The following LOC400499 variants were observed in gnomAD, a reference collection of about 807,000 sequenced individuals.
the LOC400499 span, among the ~76,000 whole-genome samples, chr16:11,455,683 C>T: frequency 4.7e-5 from 7 of 147,520 alleles, no homozygotes; most frequent in South Asian, 6.4e-4. Context: ...TGCAGTGAGC[C>T]GAGATCGTGC....
At chr16:11,451,537 G>A in the LOC400499 span, among the ~76,000 whole-genome samples, 113 of 149,502 alleles carry the variant, frequency 7.6e-4, 1 homozygote, top group African/African-American at 2.8e-3. Flanking sequence ...GGCAACAGAG[G>A]GAGACCCTGT....
the LOC400499 span, chr16:11,485,023 G>A: frequency 2.2e-4 from 88 of 398,990 alleles, no homozygotes; most frequent in African/African-American, 1.6e-3. Flanking sequence ...ATGACTTCCT[G>A]CCAAACAGCC....
chr16:11,379,100 C>G, the LOC400499 span, among the ~76,000 whole-genome samples: 1 of 152,136 alleles, frequency 6.6e-6, no homozygotes, highest in African/African-American at 2.4e-5. Context: ...CCTGTCTCTA[C>G]TGAAAATAGC....
At chr16:11,485,436 G>C in the LOC400499 span, among the ~76,000 whole-genome samples, 4 of 152,234 alleles carry the variant, frequency 2.6e-5, no homozygotes, top group African/African-American at 9.6e-5. Context: ...TCCAGGATGA[G>C]GGCAAGGGCT....
the LOC400499 span, among the ~76,000 whole-genome samples, chr16:11,421,488 G>A: frequency 2.6e-5 from 4 of 151,986 alleles, no homozygotes; most frequent in South Asian, 8.3e-4. Context: ...TGCAACCTCC[G>A]CCTCCTGGGT....
the LOC400499 span, among the ~76,000 whole-genome samples, chr16:11,468,689 A>G: frequency 0.3 from 45,873 of 152,050 alleles, 7,210 homozygotes; most frequent in Admixed American, 0.43. Flanking sequence ...ATGCAGTGGC[A>G]TGATCTCAGC....
At chr16:11,386,684 G>A in the LOC400499 span, among the ~76,000 whole-genome samples, 1 of 152,220 alleles carries the variant, frequency 6.6e-6, no homozygotes, top group Admixed American at 6.5e-5. Context: ...TGGCCACACA[G>A]CATTTCATGG....
chr16:11,397,258 G>A, the LOC400499 span, among the ~76,000 whole-genome samples: 2 of 152,126 alleles, frequency 1.3e-5, no homozygotes, highest in Non-Finnish European at 2.9e-5. Flanking sequence ...GCCGAATCTG[G>A]CTCACTGCCC....
the LOC400499 span, among the ~76,000 whole-genome samples, chr16:11,507,345 A>G: frequency 6.7e-6 from 1 of 149,850 alleles, no homozygotes; most frequent in East Asian, 1.9e-4. Flanking sequence ...AACATCCCAC[A>G]TTGCACGTGA....
the LOC400499 span, among the ~76,000 whole-genome samples, chr16:11,394,079 C>A: frequency 6.6e-6 from 1 of 152,208 alleles, no homozygotes; most frequent in African/African-American, 2.4e-5. Context: ...GTTGGGGGCC[C>A]CGGGCCCTGG....
chr16:11,387,679 G>C, the LOC400499 span, among the ~76,000 whole-genome samples: 5 of 152,090 alleles, frequency 3.3e-5, no homozygotes, highest in Admixed American at 3.3e-4. Context: ...CCAGGCTGGA[G>C]TGTAGTGGCA....
the LOC400499 span, among the ~76,000 whole-genome samples, chr16:11,422,729 G>A: frequency 6.6e-6 from 1 of 152,192 alleles, no homozygotes; most frequent in Non-Finnish European, 1.5e-5. Context: ...GTGGTGGGAG[G>A]CAGACAGGAC....
chr16:11,377,780 G>A, the LOC400499 span, among the ~76,000 whole-genome samples: 2 of 152,188 alleles, frequency 1.3e-5, no homozygotes, highest in Admixed American at 6.5e-5. Context: ...TGCTTTGTCT[G>A]CCTTTGGTAT....
At chr16:11,472,741 C>G in the LOC400499 span, 3 of 152,196 alleles carry the variant, frequency 2.0e-5, no homozygotes, top group Non-Finnish European at 4.4e-5. Flanking sequence ...TGCCTCATGG[C>G]GTAGCTGTGA....
At chr16:11,524,166 AC>A in the LOC400499 span, among the ~76,000 whole-genome samples, 1 of 15,744 alleles carries the variant, frequency 6.4e-5, no homozygotes, top group Admixed American at 8.4e-4. Flanking sequence ...CCACCCCCCA[AC>A]CCCCCAATCC....
At chr16:11,438,461 C>T in the LOC400499 span, among the ~76,000 whole-genome samples, 2 of 151,902 alleles carry the variant, frequency 1.3e-5, no homozygotes, top group Non-Finnish European at 2.9e-5. Flanking sequence ...AGGGAATGAA[C>T]AGCAGGTGTT....
At chr16:11,403,004 C>A in the LOC400499 span, among the ~76,000 whole-genome samples, 1 of 152,096 alleles carries the variant, frequency 6.6e-6, no homozygotes, top group African/African-American at 2.4e-5. Flanking sequence ...ATAGCTGAGT[C>A]CTCGCAACAA....
At chr16:11,376,252 T>A in the LOC400499 span, among the ~76,000 whole-genome samples, 1 of 152,208 alleles carries the variant, frequency 6.6e-6, no homozygotes, top group Non-Finnish European at 1.5e-5. Flanking sequence ...ATATGCGCCA[T>A]ATCTAAGAAA....
At chr16:11,410,289 A>C in the LOC400499 span, among the ~76,000 whole-genome samples, 68,810 of 151,902 alleles carry the variant, frequency 0.45, 15,888 homozygotes, top group Non-Finnish European at 0.5. Flanking sequence ...CCCTGTCTCT[A>C]CCAAAAATAC....
Sources: gnomAD v4.1 joint callset for allele counts (sites outside exome capture counted in the v4.1 genomes callset) on GRCh38, gnomAD v4.1.1 for gene constraint, MANE v1.5 for transcripts.